The following SBDS variants were observed in gnomAD, a reference collection of about 807,000 sequenced individuals.
SBDS encodes SBDS ribosome maturation factor, also known as ribosome maturation protein SBDS.
SBDS carries 20 observed loss-of-function variants against 26.4 expected under a neutral mutation model. The observed-to-expected ratio is 0.76, with a 90% confidence interval of 0.53 to 1.10. The LOEUF is 1.10. Ranked by LOEUF, SBDS falls within the 50% of genes least tolerant of loss-of-function variation. SBDS has a pLI of 0.00. For synonymous variants in SBDS, 95 were observed against 105.1 expected (o/e 0.90, Z 0.59); for missense variants, 241 against 302.0 (o/e 0.80, Z 1.50).
chr7:66,993,398 A>C lies in SBDS; in HGVS notation c.278T>G (p.Val93Gly). Reference protein sequence around the residue: ...ICKQILTKGEVQVSDKERHTQ... With the variant: ...ICKQILTKGEGQVSDKERHTQ... ...GTGTCTTTCTTTATCTGATACTTGAACTTCTCCTTTAGTCAAAATCTAAAA... is the reference window on the plus strand; with the variant it reads ...GTGTCTTTCTTTATCTGATACTTGACCTTCTCCTTTAGTCAAAATCTAAAA... The change falls in exon 3 of 5, where the codon GTT (valine) becomes GGT (glycine). Residue 93 changes from valine (V) to glycine (G), a missense_variant. Coordinates refer to ENST00000246868, the MANE Select transcript of SBDS (RefSeq NM_016038.4). 1 of 1,613,974 alleles carries C rather than the reference A, an allele frequency of 6.2e-7. No homozygotes were observed. Among genetic ancestry groups the C allele is most frequent in the Non-Finnish European group, 8.5e-7 (1 of 1,179,960 alleles).
intron 3 of SBDS, 132 bp from the exon 4 acceptor site, chr7:66,991,433 C>T (rs951258697): frequency 1.1e-4 from 78 of 682,174 alleles, no homozygotes; most frequent in Non-Finnish European, 1.6e-4. Flanking sequence ...CATAAGTGAC[C>T]GTTAAAAAAA....
chr7:66,992,892 A>T (rs539769078), intron 3 of SBDS, among the ~76,000 whole-genome samples: 1 of 151,876 alleles, frequency 6.6e-6, no homozygotes, highest in South Asian at 2.1e-4. Context: ...CTATAATCCC[A>T]GCTACTCAGG....
In SBDS at chr7:66,988,016, C is replaced by T. The variant is rs953312099; in HGVS notation, c.*355G>A. On this transcript the variant is annotated 3_prime_UTR_variant, in exon 5 of 5. Coordinates refer to ENST00000246868, the MANE Select transcript of SBDS (RefSeq NM_016038.4). The stretch of plus-strand genomic sequence containing the variant: ...CCCCCCCTTTTGTTGTATAGACATA[C>T]CCCTAATAATCTTACTCTACTGTAC... 8.4e-6 allele frequency: 3 copies of T among 355,812 alleles called. No individual in the cohort carries two copies. The highest frequency in any genetic ancestry group is 1.1e-5 in the Non-Finnish European group (2 of 189,618). 22.0% of individuals were successfully genotyped at this position (355,812 alleles called of 1,614,324 possible). A position where few individuals can be genotyped will look rare whatever the true frequency, so the allele number is the denominator to read the frequency against.
At chr7:66,990,243 C>A (rs1792946761) in intron 4 of SBDS, among the ~76,000 whole-genome samples, 1 of 152,118 alleles carries the variant, frequency 6.6e-6, no homozygotes, top group Non-Finnish European at 1.5e-5. Context: ...GTCTCGAACT[C>A]CCGACCTCAG....
intron 1 of SBDS, 36 bp from the exon 2 acceptor site, chr7:66,994,377 T>C (rs374177806): frequency 2.0e-4 from 325 of 1,602,030 alleles, no homozygotes; most frequent in African/African-American, 5.0e-4. Context: ...TATGTGAATA[T>C]ACTTGAAACT....
chr7:66,992,475 T>G (rs943673547), intron 3 of SBDS, among the ~76,000 whole-genome samples: 6 of 152,096 alleles, frequency 3.9e-5, no homozygotes, highest in Admixed American at 1.3e-4. Flanking sequence ...GTATGTGAAT[T>G]ATATATAAAT....
At position 66,995,146 on chromosome 7, in the gene SBDS, G is replaced by A. The variant is rs1366379911; in HGVS notation, c.128+144C>T. On this transcript the variant is annotated intron_variant, in intron 1 of 4. Coordinates refer to ENST00000246868, the MANE Select transcript of SBDS (RefSeq NM_016038.4). ...TTAGGCGCCAAGCTCGGACAGCGAC[G>A]TCTCATGCTCACAGCAGGAATGTTC... The A allele has an allele frequency of 5.2e-6, 6 of 1,158,514 alleles. No homozygotes were observed. The African/African-American group carries it at 9.1e-5, about 18-fold the overall frequency. 71.8% of individuals were successfully genotyped at this position (1,158,514 alleles called of 1,614,324 possible).
At position 66,987,923 on chromosome 7, in the gene SBDS, ATG is replaced by A. The variant is rs1013102555; in HGVS notation, c.*446_*447del. 3.9e-5 allele frequency: 9 copies of A among 228,200 alleles called. No individual in the cohort carries two copies. In the Admixed American group the frequency reaches 4.1e-4, roughly 11 times the overall value. The allele number at this position is 228,200 out of a possible 1,614,324, so 14.1% of individuals were successfully genotyped here. A position where few individuals can be genotyped will look rare whatever the true frequency, so the allele number is the denominator to read the frequency against. On this transcript the variant is annotated 3_prime_UTR_variant, in exon 5 of 5. Transcript: ENST00000246868. ...CCAAGCTTTACATTACGATACCATA[ATG>A]ACCCTCAGAACACAAGTTCCATTAA...
chr7:66,991,777 A>G (rs1046595011), intron 3 of SBDS, among the ~76,000 whole-genome samples: 7 of 152,146 alleles, frequency 4.6e-5, no homozygotes, highest in African/African-American at 1.7e-4. Context: ...GAACCTGAAC[A>G]GAGATTTCTC....
intron 2 of SBDS, among the ~76,000 whole-genome samples, chr7:66,993,885 C>CA (rs576687357): frequency 3.9e-3 from 552 of 140,926 alleles, no homozygotes; most frequent in South Asian, 0.014. Flanking sequence ...TCCCCCCACC[C>CA]AAAAAAAAAA....
chr7:66,994,283 C>T lies in SBDS; in HGVS notation c.187G>A (p.Gly63Ser). 6.2e-7 allele frequency: 1 copy of T among 1,614,098 alleles called. No individual in the cohort carries two copies. Among genetic ancestry groups the T allele is most frequent in the Non-Finnish European group, 8.5e-7 (1 of 1,179,978 alleles). ...THSVFVNVSK[G>S]QVAKKEDLIS... Reference sequence around the variant, plus strand: ...AGATCTTCCTTTTTGGCAACCTGACCTTTAGAAACATTTACAAACACTGAG... The same window carrying T: ...AGATCTTCCTTTTTGGCAACCTGACTTTTAGAAACATTTACAAACACTGAG... The change falls in exon 2 of 5, where the codon GGT becomes AGT. Residue 63 changes from glycine to serine, a missense_variant. Coordinates refer to ENST00000246868, the MANE Select transcript of SBDS (RefSeq NM_016038.4).
chr7:66,992,348 TACTG>T (rs1792991795), intron 3 of SBDS, among the ~76,000 whole-genome samples: 1 of 151,944 alleles, frequency 6.6e-6, no homozygotes, highest in South Asian at 2.1e-4. Flanking sequence ...TACTAATGGA[TACTG>T]ACTTTCTTTT....
At chr7:66,994,442 C>T in intron 1 of SBDS, 101 bp from the exon 2 acceptor site, 1 of 1,059,416 alleles carries the variant, frequency 9.4e-7, no homozygotes, top group South Asian at 1.3e-5. Context: ...CGGCAAGACA[C>T]AACAAATCCC....
At chr7:66,995,191 A>G (rs1584438575) in intron 1 of SBDS, 99 bp downstream of exon 1, 1 of 1,540,196 alleles carries the variant, frequency 6.5e-7, no homozygotes, top group Non-Finnish European at 9.0e-7. Context: ...CCCGGCCAAC[A>G]CCCCAGCCTG....
chr7:66,993,212 C>T lies in SBDS; in HGVS notation c.459+5G>A. The stretch of plus-strand genomic sequence containing the variant: ...TATATTTTGATGACATGAGAAACCA[C>T]TCACCTGCTGTTTTGTACTCTTGTT... On this transcript the variant is annotated splice_donor_5th_base_variant and intron_variant, in intron 3 of 4. Coordinates refer to ENST00000246868, the MANE Select transcript of SBDS (RefSeq NM_016038.4). 1.2e-6 allele frequency: 2 copies of T among 1,612,680 alleles called. 1 individual carries two copies. Among genetic ancestry groups the T allele is most frequent in the Middle Eastern group, 3.3e-4 (2 of 6,056 alleles).
intron 4 of SBDS, among the ~76,000 whole-genome samples, chr7:66,990,501 T>C (rs1792952135): frequency 2.0e-5 from 3 of 152,346 alleles, no homozygotes; most frequent in Middle Eastern, 3.4e-3. Flanking sequence ...TCAATGTAAA[T>C]TTCCATAGTG....
rs900288596 is a variant in SBDS at position 66,995,528 on chromosome 7, C to T, written c.-111G>A. On this transcript the variant is annotated 5_prime_UTR_variant, in exon 1 of 5. Coordinates refer to ENST00000246868, the MANE Select transcript of SBDS (RefSeq NM_016038.4). ...GACCGATCGGCGCGCGGCACTGACC[C>T]AACCACCAGTGCGCGGCGCCGCGAC... 32 of 1,515,014 alleles carry T rather than the reference C, an allele frequency of 2.1e-5. No individual in the cohort carries two copies. The highest frequency in any genetic ancestry group is 2.9e-5 in the Non-Finnish European group (32 of 1,103,524). 93.8% of individuals were successfully genotyped at this position (1,515,014 alleles called of 1,614,324 possible). A position where few individuals can be genotyped will look rare whatever the true frequency, so the allele number is the denominator to read the frequency against.
In SBDS at chr7:66,995,323, T is replaced by C. The variant is rs1131691842; in HGVS notation, c.95A>G (p.Tyr32Cys). The C allele has an allele frequency of 1.2e-6, 2 of 1,614,096 alleles. No homozygotes were observed. The highest frequency in any genetic ancestry group is 2.2e-5 in the East Asian group (1 of 44,882). The part of the protein sequence containing the change: ...RAGKRFEIAC[Y>C]KNKVVGWRSG... Reference sequence around the variant, plus strand: ...CCGCCAGCCGACGACCTTGTTTTTGTAGCAGGCGATTTCGAAGCGCTTCCC... The same window carrying C: ...CCGCCAGCCGACGACCTTGTTTTTGCAGCAGGCGATTTCGAAGCGCTTCCC... The change falls in exon 1 of 5, where the codon TAC (tyrosine) becomes TGC (cysteine). Residue 32 changes from tyrosine (Y) to cysteine (C), a missense_variant. Coordinates refer to ENST00000246868, the MANE Select transcript of SBDS (RefSeq NM_016038.4).
At chr7:66,993,492 A>G in intron 2 of SBDS, 75 bp from the exon 3 acceptor site, 1 of 1,152,908 alleles carries the variant, frequency 8.7e-7, no homozygotes, top group Non-Finnish European at 1.3e-6. Flanking sequence ...AACCATAAAA[A>G]ATGAGTAACT....
Sources: allele counts gnomAD v4.1 joint callset (sites outside exome capture counted in the v4.1 genomes callset), GRCh38; gene constraint gnomAD v4.1.1; transcripts MANE v1.5; gene names NCBI Gene and HGNC (gene_info 2026-07-23, HGNC 2026-07-21).